Variants in OTOGL observed in about 807,000 individuals in gnomAD.
The protein encoded by OTOGL is otogelin-like protein.
OTOGL carries 285 observed loss-of-function variants against 318.5 expected under a neutral mutation model. That is an observed-to-expected ratio of 0.89 (90% CI 0.81 to 0.99). The LOEUF (loss-of-function observed/expected upper bound fraction) is 0.99. OTOGL is among the 50% of genes least tolerant of loss of function. The pLI, the probability that OTOGL is intolerant of heterozygous loss-of-function variation, is 0.00. For missense variants in OTOGL, 2,899 were observed against 2,845.6 expected (o/e 1.02, Z -0.43); for synonymous variants, 987 against 936.5 (o/e 1.05, Z -0.99).
At chr12:80,299,819 G>T (rs1035259479) in intron 27 of OTOGL, among the ~76,000 whole-genome samples, 2 of 151,882 alleles carry the variant, frequency 1.3e-5, no homozygotes, top group Non-Finnish European at 2.9e-5. Flanking sequence ...CTCTATTTTG[G>T]ACAATTTGTA....
intron 25 of OTOGL, 61 bp downstream of exon 25, chr12:80,278,336 C>T (rs1883964442): frequency 1.5e-6 from 2 of 1,304,142 alleles, no homozygotes; most frequent in African/African-American, 3.0e-5. Context: ...TTTCAATCAT[C>T]TTTTATTTAT....
rs563423363 is a variant in OTOGL, at chr12:80,267,153, T to C, written c.2391-100T>C. On this transcript the variant is annotated intron_variant, in intron 21 of 58. Coordinates refer to ENST00000547103, the MANE Select transcript of OTOGL (RefSeq NM_001378609.3). ...TTGTAGAATAATGCAGACCTTAGAGTGTACCTTACAATGACCAATGGAGAG... is the reference window on the plus strand; with the variant it reads ...TTGTAGAATAATGCAGACCTTAGAGCGTACCTTACAATGACCAATGGAGAG... 44 of 559,856 alleles carry C rather than the reference T, an allele frequency of 7.9e-5. No individual in the cohort carries two copies. The African/African-American group carries it at 8.0e-4, about 10-fold the overall frequency. 34.7% of individuals were successfully genotyped at this position (559,856 alleles called of 1,614,324 possible).
intron 1 of OTOGL, among the ~76,000 whole-genome samples, chr12:80,153,748 A>T (rs1288815332): frequency 6.6e-6 from 1 of 152,078 alleles, no homozygotes; most frequent in Non-Finnish European, 1.5e-5. Context: ...AACCACAGAT[A>T]TTTTTTATTG....
intron 1 of OTOGL, among the ~76,000 whole-genome samples, chr12:80,141,498 A>T (rs1021431798): frequency 6.6e-6 from 1 of 152,172 alleles, no homozygotes; most frequent in Non-Finnish European, 1.5e-5. Context: ...TATTCTGAGC[A>T]CTTATCGTTC....
intron 24 of OTOGL, among the ~76,000 whole-genome samples, 188 bp downstream of exon 24, chr12:80,271,998 T>C (rs1883448861): frequency 1.3e-5 from 2 of 152,164 alleles, no homozygotes; most frequent in South Asian, 4.1e-4. Context: ...ATTAATGTAA[T>C]ACACTGAATT....
Position 80,254,562 on chromosome 12 carries a change from A to G in OTOGL, c.1433A>G (p.Asp478Gly). Residue 478 changes from aspartate (D) to glycine (G), a missense_variant, in exon 15 of 59, where the codon GAC becomes GGC. By Grantham distance (94) the Asp-to-Gly change is moderately conservative. This residue lies in a region of OTOGL where 2,607 missense variants were observed against 2,524.9 expected (regional missense o/e 1.03). Transcript: ENST00000547103. ...VGGVWNCTEQDCPVQCSVVGD... is the reference protein window; with the variant it reads ...VGGVWNCTEQGCPVQCSVVGD... ...GGAGTTTGGAACTGCACTGAGCAAGACTGTCCAGGTAATTTTTTAAAATGT... is the reference window on the plus strand; with the variant it reads ...GGAGTTTGGAACTGCACTGAGCAAGGCTGTCCAGGTAATTTTTTAAAATGT... 3.1e-6 allele frequency: 5 copies of G among 1,606,034 alleles called. No individual in the cohort carries two copies. The highest frequency in any genetic ancestry group is 3.4e-6 in the Non-Finnish European group (4 of 1,174,498).
intron 1 of OTOGL, among the ~76,000 whole-genome samples, chr12:80,115,986 C>T (rs1056970531): frequency 7.0e-6 from 1 of 141,920 alleles, no homozygotes; most frequent in South Asian, 2.3e-4. Flanking sequence ...GCTTCCTGGG[C>T]TCTGTGGGAC....
At chr12:80,329,926 C>G (rs1238085227) in intron 37 of OTOGL, among the ~76,000 whole-genome samples, 1 of 152,094 alleles carries the variant, frequency 6.6e-6, no homozygotes, top group African/African-American at 2.4e-5. Flanking sequence ...ATACAAGCAG[C>G]CCACACTAGG....
intron 1 of OTOGL, among the ~76,000 whole-genome samples, chr12:80,120,025 C>A (rs1285026308): frequency 6.6e-6 from 1 of 151,640 alleles, no homozygotes; most frequent in Non-Finnish European, 1.5e-5. Flanking sequence ...TAGTTCAATT[C>A]TTTTGATCTT....
intron 57 of OTOGL, among the ~76,000 whole-genome samples, chr12:80,376,560 A>G (rs1393136547): frequency 6.6e-6 from 1 of 152,160 alleles, no homozygotes; most frequent in Non-Finnish European, 1.5e-5. Context: ...TGAAATTATA[A>G]AAGACCATTT....
intron 1 of OTOGL, among the ~76,000 whole-genome samples, chr12:80,168,244 C>T (rs1222196422): frequency 2.0e-5 from 3 of 152,134 alleles, no homozygotes; most frequent in Admixed American, 2.0e-4. Context: ...AGGCTACAAA[C>T]TTTTTCAACC....
chr12:80,139,697 T>TG (rs1871804864), intron 1 of OTOGL, among the ~76,000 whole-genome samples: 1 of 152,190 alleles, frequency 6.6e-6, no homozygotes, highest in African/African-American at 2.4e-5. Context: ...ATTCCCACTG[T>TG]GCTTATCATA....
At chr12:80,374,456 A>C (rs1279767142) in intron 57 of OTOGL, among the ~76,000 whole-genome samples, 1 of 152,190 alleles carries the variant, frequency 6.6e-6, no homozygotes, top group African/African-American at 2.4e-5. Flanking sequence ...TATAACCTAT[A>C]TATTTTTAAT....
At chr12:80,280,170 A>G (rs1397770451) in intron 26 of OTOGL, among the ~76,000 whole-genome samples, 5 of 151,360 alleles carry the variant, frequency 3.3e-5, no homozygotes, top group East Asian at 3.9e-4. Flanking sequence ...TGACTTGTTT[A>G]AGTTCCTTGT....
rs1338919738 is a variant in OTOGL at position 80,256,382 on chromosome 12, G to A, written c.1633G>A (p.Asp545Asn). The change falls in exon 17 of 59, where the codon GAT becomes AAT. Residue 545 changes from aspartate to asparagine, a missense_variant. Physicochemically the swap from Asp to Asn is conservative, Grantham distance 23 (BLOSUM62 1). This residue lies in a region of OTOGL where 2,607 missense variants were observed against 2,524.9 expected (regional missense o/e 1.03). Coordinates refer to ENST00000547103, the MANE Select transcript of OTOGL (RefSeq NM_001378609.3). ...CLQSITLILE[D>N]DFNKQVTLGR... ...TCAGTCTATAACTCTGATTCTGGAGGATGATTTTAACAAACAAGTGACCCT... is the reference window on the plus strand; with the variant it reads ...TCAGTCTATAACTCTGATTCTGGAGAATGATTTTAACAAACAAGTGACCCT... The A allele has an allele frequency of 1.3e-6, 2 of 1,595,598 alleles. No homozygotes were observed. Among genetic ancestry groups the A allele is most frequent in the South Asian group, 2.2e-5 (2 of 90,516 alleles).
intron 5 of OTOGL, among the ~76,000 whole-genome samples, chr12:80,218,909 C>T (rs1878010831): frequency 6.6e-6 from 1 of 150,678 alleles, no homozygotes; most frequent in Admixed American, 6.6e-5. Flanking sequence ...ATTCTCCTGC[C>T]TCAGCCTCCT....
intron 14 of OTOGL, among the ~76,000 whole-genome samples, chr12:80,254,042 G>A (rs1368927589): frequency 2.0e-5 from 3 of 151,986 alleles, no homozygotes; most frequent in Non-Finnish European, 4.4e-5. Flanking sequence ...AAATGTTGTC[G>A]GATACTTTTC....
chr12:80,335,831 T>G, intron 38 of OTOGL, 132 bp from the exon 39 acceptor site: 1 of 751,180 alleles, frequency 1.3e-6, no homozygotes, highest in Non-Finnish European at 1.9e-6. Context: ...AGCATAATTT[T>G]AATTCTTTAT....
Position 80,333,073 on chromosome 12 carries a change from T to A in OTOGL, c.4417T>A (p.Cys1473Ser). The A allele has an allele frequency of 6.3e-7, 1 of 1,592,550 alleles. No homozygotes were observed. Among genetic ancestry groups the A allele is most frequent in the Non-Finnish European group, 8.6e-7 (1 of 1,166,210 alleles). Residue 1473 changes from cysteine to serine, a missense_variant, in exon 38 of 59, where the codon TGT becomes AGT. By Grantham distance (112) the Cys-to-Ser change is moderately radical. Around this residue, in one of 3 missense-constraint regions of OTOGL, gnomAD observed 2,607 missense variants for 2,524.9 expected, o/e 1.03. Transcript: ENST00000547103. ...GCTAACACCAACTACAGGCTTGGAA[T>A]GTGAGGTATGACTGAGCAATATCTT... is the stretch of plus-strand genomic sequence containing the variant. ...DMLTPTTGLE[C>S]EPQKFDPVYD... is the part of the protein sequence containing the mutation.
Sources: gnomAD v4.1 joint callset for allele counts (sites outside exome capture counted in the v4.1 genomes callset) on GRCh38, gnomAD v4.1.1 for gene constraint, gnomAD v4.1.1 regional missense constraint, MANE v1.5 for transcripts, NCBI Gene and HGNC (gene_info 2026-07-23, HGNC 2026-07-21) for gene names.